Variants in TMED10 observed in about 807,000 individuals in gnomAD.
TMED10 encodes the protein transmembrane p24 trafficking protein 10.
Under a neutral mutation model 23.1 loss-of-function variants are expected in TMED10, and 7 were observed. That is an observed-to-expected ratio of 0.30 (90% CI 0.17 to 0.57). TMED10 has a LOEUF of 0.57. Ranked by LOEUF, TMED10 falls within the 20% of genes least tolerant of loss-of-function variation. The pLI is 0.91. For missense variants in TMED10, 162 were observed against 274.8 expected, an observed-to-expected ratio of 0.59 and a Z score of 2.90; for synonymous variants, 113 against 106.9, an observed-to-expected ratio of 1.06 and a Z score of -0.35.
chr14:75,175,983 A>C, intron 1 of TMED10: 1 of 291,588 alleles, frequency 3.4e-6, no homozygotes, highest in African/African-American at 2.3e-5. Context: ...TCCTGCAGGT[A>C]TCGCGGTATC....
intron 3 of TMED10, among the ~76,000 whole-genome samples, chr14:75,144,254 A>G (rs781212892): frequency 1.4e-4 from 22 of 152,196 alleles, no homozygotes; most frequent in Non-Finnish European, 2.8e-4. Flanking sequence ...TAGTTCACAG[A>G]TGACAAACTA....
intron 1 of TMED10, among the ~76,000 whole-genome samples, chr14:75,163,817 G>T (rs1471108886): frequency 1.3e-5 from 2 of 151,570 alleles, no homozygotes; most frequent in African/African-American, 4.8e-5. Context: ...TTTAGATAGG[G>T]TCTCACTGTG....
At chr14:75,137,960 C>T (rs772869722) in intron 3 of TMED10, among the ~76,000 whole-genome samples, 9 of 152,104 alleles carry the variant, frequency 5.9e-5, no homozygotes, top group East Asian at 1.9e-4. Flanking sequence ...CCATCCACCT[C>T]GACCTCCCAA....
intron 1 of TMED10, among the ~76,000 whole-genome samples, chr14:75,175,716 T>C (rs533994234): frequency 2.0e-5 from 3 of 151,734 alleles, no homozygotes; most frequent in Non-Finnish European, 4.4e-5. Context: ...GTTGTGCGCA[T>C]GTACCCTAGA....
intron 1 of TMED10, among the ~76,000 whole-genome samples, chr14:75,154,430 A>AAAAAAAAAAAAT (rs1895996502): frequency 6.9e-6 from 1 of 144,598 alleles, no homozygotes; most frequent in African/African-American, 2.5e-5. Flanking sequence ...AAAAAAAAAA[A>AAAAAAAAAAAAT]GGCATGTATC....
chr14:75,147,190 T>A (rs1895896135), intron 3 of TMED10, among the ~76,000 whole-genome samples: 1 of 47,688 alleles, frequency 2.1e-5, no homozygotes, highest in Non-Finnish European at 5.6e-5. Flanking sequence ...AGGCTGTTTT[T>A]TTTTTTTTTT....
chr14:75,170,493 A>G (rs1043439290), intron 1 of TMED10, among the ~76,000 whole-genome samples: 1 of 152,228 alleles, frequency 6.6e-6, no homozygotes, highest in Admixed American at 6.5e-5. Flanking sequence ...CAAGGATGCT[A>G]TCAAAACCTA....
chr14:75,164,380 C>CAT (rs1896123373), intron 1 of TMED10, among the ~76,000 whole-genome samples: 1 of 149,418 alleles, frequency 6.7e-6, no homozygotes. Context: ...TACAGGTGTG[C>CAT]GCCACCAGGC....
At chr14:75,163,000 C>T (rs542273322) in intron 1 of TMED10, among the ~76,000 whole-genome samples, 3 of 151,454 alleles carry the variant, frequency 2.0e-5, no homozygotes, top group South Asian at 2.1e-4. Flanking sequence ...TTTAGGAGGC[C>T]GAAAGGGGAG....
At chr14:75,154,093 C>A (rs369248580) in intron 1 of TMED10, among the ~76,000 whole-genome samples, 1 of 149,034 alleles carries the variant, frequency 6.7e-6, no homozygotes, top group Non-Finnish European at 1.5e-5. Flanking sequence ...GACATGTAGC[C>A]GGGCGTGGTA....
In TMED10 at chr14:75,176,543, G is replaced by A; in HGVS notation, c.37C>T (p.Pro13Ser). Reference sequence around the variant, plus strand: ...AAAAGCAGCAACGCTAACGGAAAAGGGCCGCGCCGGGCTGGTGGGCCAGAC... The same window carrying A: ...AAAAGCAGCAACGCTAACGGAAAAGAGCCGCGCCGGGCTGGTGGGCCAGAC... Reference protein sequence around the residue: ...GLSGPPARRGPFPLALLLLFL... With the variant: ...GLSGPPARRGSFPLALLLLFL... Residue 13 changes from proline to serine, a missense_variant, in exon 1 of 5, where the codon CCT becomes TCT. Pro to Ser is a moderately conservative substitution (Grantham distance 74). Around this residue, in one of 2 missense-constraint regions of TMED10, gnomAD observed 36 missense variants for 35.2 expected, o/e 1.02. Transcript: ENST00000303575. The A allele has an allele frequency of 6.2e-7, 1 of 1,614,162 alleles. No individual in the cohort carries two copies. The highest frequency in any genetic ancestry group is 8.5e-7 in the Non-Finnish European group (1 of 1,180,036).
chr14:75,173,165 C>CA (rs1794470660), intron 1 of TMED10, among the ~76,000 whole-genome samples: 1 of 152,184 alleles, frequency 6.6e-6, no homozygotes, highest in Middle Eastern at 3.2e-3. Context: ...ATGGGCGGAT[C>CA]ACTTGAGCCC....
chr14:75,159,975 A>G (rs183196928), intron 1 of TMED10, among the ~76,000 whole-genome samples: 47 of 152,318 alleles, frequency 3.1e-4, no homozygotes, highest in African/African-American at 1.1e-3. Flanking sequence ...CATGAAATTT[A>G]CCTCCCAGAA....
At chr14:75,147,563 C>T (rs1188539987) in intron 3 of TMED10, 101 bp downstream of exon 3, 16 of 1,211,468 alleles carry the variant, frequency 1.3e-5, no homozygotes, top group Non-Finnish European at 1.7e-5. Context: ...TAAGAAACCA[C>T]AGCCCTTTGG....
intron 3 of TMED10, 129 bp from the exon 4 acceptor site, chr14:75,136,015 A>G: frequency 7.5e-7 from 1 of 1,330,490 alleles, no homozygotes; most frequent in Non-Finnish European, 1.0e-6. Flanking sequence ...TCATCCTAAC[A>G]TATTTTAAAA....
At chr14:75,160,062 C>A (rs1896068536) in intron 1 of TMED10, among the ~76,000 whole-genome samples, 1 of 152,180 alleles carries the variant, frequency 6.6e-6, no homozygotes, top group Non-Finnish European at 1.5e-5. Flanking sequence ...GATGACACAA[C>A]TACATGAGGG....
chr14:75,176,555 C>T lies in TMED10; in HGVS notation c.25G>A (p.Ala9Thr), dbSNP rs770201032. The T allele has an allele frequency of 3.7e-6, 6 of 1,614,138 alleles. No homozygotes were observed. The East Asian group carries it at 1.3e-4, about 36-fold the overall frequency. The change falls in exon 1 of 5, where the codon GCC (alanine) becomes ACC (threonine). Residue 9 changes from alanine (A) to threonine (T), a missense_variant. This residue lies in a region of TMED10 where 36 missense variants were observed against 35.2 expected (regional missense o/e 1.02). Coordinates refer to ENST00000303575, the MANE Select transcript of TMED10 (RefSeq NM_006827.6). ...GCTAACGGAAAAGGGCCGCGCCGGGCTGGTGGGCCAGACAAACCAGACATG... is the reference window on the plus strand; with the variant it reads ...GCTAACGGAAAAGGGCCGCGCCGGGTTGGTGGGCCAGACAAACCAGACATG... MSGLSGPP[A>T]RRGPFPLALL... is the part of the protein sequence containing the mutation.
At chr14:75,158,827 G>A (rs933364452) in intron 1 of TMED10, among the ~76,000 whole-genome samples, 2 of 152,154 alleles carry the variant, frequency 1.3e-5, no homozygotes, top group East Asian at 3.9e-4. Flanking sequence ...AGGAGGCTGA[G>A]GCAGGAGAAT....
In TMED10 at chr14:75,173,848, A is replaced by G. The variant is rs112222795; in HGVS notation, c.225+2507T>C. Among the ~76,000 whole-genome samples, 909 of 152,250 alleles carry G rather than the reference A, an allele frequency of 6.0e-3. 8 individuals are homozygous for G. The highest frequency in any genetic ancestry group is 0.021 in the African/African-American group (875 of 41,556). Reference sequence around the variant, plus strand: ...CAGGTTCTAGTGATTCTCCTGCCTCAGCCTCCCGGGTAGCTGGGATTACAG... The same window carrying G: ...CAGGTTCTAGTGATTCTCCTGCCTCGGCCTCCCGGGTAGCTGGGATTACAG... On this transcript the variant is annotated intron_variant, in intron 1 of 4. Transcript: ENST00000303575.
Sources: allele counts gnomAD v4.1 joint callset (sites outside exome capture counted in the v4.1 genomes callset), GRCh38; gene constraint gnomAD v4.1.1; regional missense constraint gnomAD v4.1.1; transcripts MANE v1.5; gene names NCBI Gene and HGNC (gene_info 2026-07-23, HGNC 2026-07-21).